Variants in CNTN4 observed in about 807,000 individuals in gnomAD.
CNTN4 encodes contactin 4.
Under a neutral mutation model 122.5 loss-of-function variants are expected in CNTN4, and 77 were observed. The observed-to-expected ratio is 0.63, with a 90% confidence interval of 0.52 to 0.76. The LOEUF (loss-of-function observed/expected upper bound fraction) is 0.76, where lower values mean the gene tolerates loss of function less well. Ranked by LOEUF, CNTN4 falls within the 30% of genes least tolerant of loss-of-function variation. The probability of loss-of-function intolerance (pLI) is 0.00; values close to 1 mark genes in which losing one functional copy is unlikely to be tolerated. For synonymous variants in CNTN4, 512 were observed against 447.0 expected (o/e 1.15, Z -1.83); for missense variants, 1,256 against 1,259.1 (o/e 1.00, Z 0.04).
intron 3 of CNTN4, among the ~76,000 whole-genome samples, chr3:2,397,066 A>G (rs1347269334): frequency 3.3e-5 from 5 of 152,216 alleles, no homozygotes; most frequent in African/African-American, 1.2e-4. Context: ...CATAGATGCT[A>G]AAGCAAATAA....
chr3:2,175,077 A>G (rs891630194), intron 2 of CNTN4, among the ~76,000 whole-genome samples: 13 of 152,206 alleles, frequency 8.5e-5, no homozygotes, highest in African/African-American at 3.1e-4. Context: ...TCAGCATTTG[A>G]ATTTGCAGGG....
chr3:2,963,014 C>A (rs1027698039), intron 13 of CNTN4, among the ~76,000 whole-genome samples: 23 of 152,090 alleles, frequency 1.5e-4, no homozygotes, highest in African/African-American at 5.1e-4. Flanking sequence ...ATGGGGTTAT[C>A]CCCTCCCGCA....
intron 3 of CNTN4, among the ~76,000 whole-genome samples, chr3:2,531,662 T>C (rs2077601422): frequency 6.6e-6 from 1 of 152,202 alleles, no homozygotes. Flanking sequence ...AGTGACTCTT[T>C]CCTGACTCTC....
At chr3:2,426,841 T>A (rs1453607408) in intron 3 of CNTN4, among the ~76,000 whole-genome samples, 1 of 152,242 alleles carries the variant, frequency 6.6e-6, no homozygotes, top group Non-Finnish European at 1.5e-5. Flanking sequence ...CTTCTAGATT[T>A]TCTAGTTTAT....
At chr3:2,526,167 C>A (rs911788714) in intron 3 of CNTN4, among the ~76,000 whole-genome samples, 8 of 152,136 alleles carry the variant, frequency 5.3e-5, no homozygotes, top group African/African-American at 1.7e-4. Context: ...ACTCAGCTCC[C>A]AGGCCCTTCA....
rs184859028 is a variant in CNTN4, at chr3:2,550,020, A to G, written c.-88-21396A>G. Reference sequence around the variant, plus strand: ...TTATACTATTCTCTAATGGTAGTTTATATTTCTGCGGTGTCAGTGTTTACA... The same window carrying G: ...TTATACTATTCTCTAATGGTAGTTTGTATTTCTGCGGTGTCAGTGTTTACA... On this transcript the variant is annotated intron_variant, in intron 3 of 24. Transcript: ENST00000418658. 5.8e-4 allele frequency among the ~76,000 whole-genome samples: 88 copies of G among 152,084 alleles called. 1 individual carries two copies. Among genetic ancestry groups the G allele is most frequent in the East Asian group, 2.1e-3 (11 of 5,176 alleles).
chr3:2,658,970 AC>A, intron 4 of CNTN4, among the ~76,000 whole-genome samples: 1 of 44,134 alleles, frequency 2.3e-5, no homozygotes, highest in East Asian at 4.4e-4. Context: ...AAACAGACAC[AC>A]ACACACACAC....
intron 3 of CNTN4, among the ~76,000 whole-genome samples, chr3:2,530,644 T>C (rs2077565666): frequency 6.6e-6 from 1 of 152,152 alleles, no homozygotes; most frequent in South Asian, 2.1e-4. Flanking sequence ...ATTGGGACTA[T>C]GGCCTCTAAT....
intron 2 of CNTN4, among the ~76,000 whole-genome samples, chr3:2,240,466 T>C (rs1436686705): frequency 6.6e-6 from 1 of 152,156 alleles, no homozygotes; most frequent in Non-Finnish European, 1.5e-5. Flanking sequence ...TACTTCATAC[T>C]AGAAGGAATT....
intron 8 of CNTN4, among the ~76,000 whole-genome samples, chr3:2,873,108 T>TCA (rs2093804881): frequency 6.6e-6 from 1 of 152,164 alleles, no homozygotes; most frequent in Non-Finnish European, 1.5e-5. Context: ...AGAGGGCAAG[T>TCA]AAAGGGATTC....
intron 2 of CNTN4, among the ~76,000 whole-genome samples, chr3:2,334,075 A>C (rs1178537): frequency 0.88 from 133,678 of 152,228 alleles, 59,709 homozygotes; most frequent in East Asian, 1. Context: ...ACTTTAGGCT[A>C]TCCTTTGATA....
At chr3:2,349,327 A>G (rs529318960) in intron 3 of CNTN4, among the ~76,000 whole-genome samples, 20 of 152,158 alleles carry the variant, frequency 1.3e-4, no homozygotes, top group South Asian at 1.2e-3. Context: ...TAACCTTTTC[A>G]TGTTTAAACT....
chr3:2,533,258 A>C (rs1237774929), intron 3 of CNTN4, among the ~76,000 whole-genome samples: 1 of 151,546 alleles, frequency 6.6e-6, no homozygotes, highest in Admixed American at 6.6e-5. Flanking sequence ...AGCATTAGGT[A>C]TATCTCCTAA....
At chr3:2,858,309 C>T (rs1303224195) in intron 7 of CNTN4, among the ~76,000 whole-genome samples, 1 of 152,182 alleles carries the variant, frequency 6.6e-6, no homozygotes, top group Non-Finnish European at 1.5e-5. Context: ...TTGTAACAAG[C>T]CTTTCCAGTG....
Position 2,584,474 on chromosome 3 carries a change from C to T in CNTN4, c.55+12916C>T, listed in dbSNP as rs143720045. Among the ~76,000 whole-genome samples, 581 of 152,050 alleles carry T rather than the reference C, an allele frequency of 3.8e-3. 5 individuals are homozygous for T. Among genetic ancestry groups the T allele is most frequent in the African/African-American group, 0.013 (545 of 41,466 alleles). ...ATTCCAGCACTTTGTGAGGCTGAGG[C>T]GGGCGGATCACCTGAGGCCAGGAGA... On this transcript the variant is annotated intron_variant, in intron 4 of 24. Coordinates refer to ENST00000418658, the MANE Select transcript of CNTN4 (RefSeq NM_175607.3).
intron 4 of CNTN4, among the ~76,000 whole-genome samples, chr3:2,656,706 C>G (rs2083605880): frequency 6.6e-6 from 1 of 152,206 alleles, no homozygotes; most frequent in Non-Finnish European, 1.5e-5. Context: ...GTATGCAGTA[C>G]TAGCTTATGT....
At chr3:2,119,093 G>A (rs1217675679) in intron 2 of CNTN4, among the ~76,000 whole-genome samples, 1 of 152,154 alleles carries the variant, frequency 6.6e-6, no homozygotes, top group Non-Finnish European at 1.5e-5. Context: ...TAATGTGGTG[G>A]GCCACATTCA....
Position 2,429,058 on chromosome 3 carries a change from G to A in CNTN4, c.-89+89825G>A, listed in dbSNP as rs139813303. The stretch of plus-strand genomic sequence containing the variant: ...TCAGAGAGGTTTGTTATTACCGATC[G>A]TCTGAAGCCTTCTTCTCTCAACTTG... On this transcript the variant is annotated intron_variant, in intron 3 of 24. Coordinates refer to ENST00000418658, the MANE Select transcript of CNTN4 (RefSeq NM_175607.3). Among the ~76,000 whole-genome samples, 699 of 152,184 alleles carry A rather than the reference G, an allele frequency of 4.6e-3. 4 individuals are homozygous for A. The highest frequency in any genetic ancestry group is 0.014 in the Middle Eastern group (4 of 294).
chr3:2,180,965 C>T (rs1467910076), intron 2 of CNTN4, among the ~76,000 whole-genome samples: 1 of 152,046 alleles, frequency 6.6e-6, no homozygotes, highest in African/African-American at 2.4e-5. Context: ...CATCTGGTTG[C>T]TACTCATGAT....
Sources: gnomAD v4.1 joint callset for allele counts (sites outside exome capture counted in the v4.1 genomes callset) on GRCh38, gnomAD v4.1.1 for gene constraint, MANE v1.5 for transcripts, NCBI Gene and HGNC (gene_info 2026-07-23, HGNC 2026-07-21) for gene names.